Variants in DPYSL2 observed in about 807,000 individuals in gnomAD.
DPYSL2 encodes the protein dihydropyrimidinase like 2, also known as dihydropyrimidinase-related protein 2.
A neutral mutation model predicts 69.9 loss-of-function variants in DPYSL2; 13 were observed. That is an observed-to-expected ratio of 0.19 (90% CI 0.12 to 0.30). The LOEUF is 0.30. Ranked by LOEUF, DPYSL2 falls within the 10% of genes least tolerant of loss-of-function variation. The pLI is 1.00. For synonymous variants in DPYSL2, 326 were observed against 359.1 expected, an observed-to-expected ratio of 0.91 and a Z score of 1.04; for missense variants, 587 against 918.9, an observed-to-expected ratio of 0.64 and a Z score of 4.67.
At chr8:26,536,749 A>G (rs375298044) in intron 1 of DPYSL2, among the ~76,000 whole-genome samples, 31 of 152,350 alleles carry the variant, frequency 2.0e-4, no homozygotes, top group African/African-American at 6.7e-4. Context: ...GAAAGGGAAT[A>G]AATTGTGTTT....
In DPYSL2 at chr8:26,585,564, G is replaced by T. The variant is rs1258937789; in HGVS notation, c.628+1581G>T. On this transcript the variant is annotated intron_variant, in intron 3 of 13. Transcript: ENST00000521913. This position sits in a 1 kb window ranked among gnomAD's most constrained non-coding sequence, Gnocchi z 4.0. ...TGCCATTTTCCAGGGATGTCGGGGG[G>T]AGATTTCATGCACACCTAGGGAGAG... Among the ~76,000 whole-genome samples the T allele has an allele frequency of 1.3e-5, 2 of 152,092 alleles. No homozygotes were observed. Among genetic ancestry groups the T allele is most frequent in the African/African-American group, 2.4e-5 (1 of 41,368 alleles).
rs1052548507 is a variant in DPYSL2 at position 26,560,171 on chromosome 8, C to T, written c.355-21798C>T. ...AATCAGGAGCAGACGCGACCATTCC[C>T]GACGGCCTTGGCAGCTCACTCTGCC... On this transcript the variant is annotated intron_variant, in intron 1 of 13. Transcript: ENST00000521913. This position sits in a 1 kb window ranked among gnomAD's most constrained non-coding sequence, Gnocchi z 4.4. 6.6e-6 allele frequency among the ~76,000 whole-genome samples: 1 copy of T among 152,132 alleles called. No homozygotes were observed. The highest frequency in any genetic ancestry group is 1.5e-5 in the Non-Finnish European group (1 of 68,018).
Position 26,644,067 on chromosome 8 carries a change from G to A in DPYSL2, c.1401G>A (p.Met467Ile). Residue 467 changes from methionine to isoleucine, a missense_variant, in exon 10 of 14, where the codon ATG (methionine) becomes ATA (isoleucine). By Grantham distance (10) the Met-to-Ile change is conservative (BLOSUM62 1). Transcript: ENST00000521913. The surrounding 1 kb of genome is among the most constrained non-coding windows in gnomAD (Gnocchi z 4.5). ...GCACCAATGGCACTGAGGAGCGGATGTCCGTCATCTGGGACAAGGCTGTGG... is the reference window on the plus strand; with the variant it reads ...GCACCAATGGCACTGAGGAGCGGATATCCGTCATCTGGGACAAGGCTGTGG... ...PEGTNGTEER[M>I]SVIWDKAVVT... is the part of the protein sequence containing the mutation. 1.2e-6 allele frequency: 2 copies of A among 1,614,238 alleles called. No homozygotes were observed. The highest frequency in any genetic ancestry group is 1.7e-6 in the Non-Finnish European group (2 of 1,180,036).
chr8:26,514,058 G>A lies in DPYSL2; in HGVS notation c.-268G>A. On this transcript the variant is annotated 5_prime_UTR_variant, in exon 1 of 14. Coordinates refer to ENST00000521913, the MANE Select transcript of DPYSL2 (RefSeq NM_001197293.3). The surrounding 1 kb of genome is among the most constrained non-coding windows in gnomAD (Gnocchi z 8.4). ...TTCGGCTCCCGCAGCCGCAGCGGAC[G>A]CCCTCCCAGATCCAACTTTGCCGCT... 1 of 317,260 alleles carries A rather than the reference G, an allele frequency of 3.2e-6. No individual in the cohort carries two copies. Among genetic ancestry groups the A allele is most frequent in the Non-Finnish European group, 5.7e-6 (1 of 174,538 alleles). 19.7% of individuals were successfully genotyped at this position (317,260 alleles called of 1,614,324 possible).
chr8:26,655,782 C>CTT lies in DPYSL2; in HGVS notation c.*76_*77insTT. 1 of 1,183,206 alleles carries CTT rather than the reference C, an allele frequency of 8.5e-7. No individual in the cohort carries two copies. The highest frequency in any genetic ancestry group is 2.6e-5 in the Admixed American group (1 of 37,956). The allele number at this position is 1,183,206 out of a possible 1,614,324, so 73.3% of individuals were successfully genotyped here. A position where few individuals can be genotyped will look rare whatever the true frequency, so the allele number is the denominator to read the frequency against. On this transcript the variant is annotated 3_prime_UTR_variant, in exon 14 of 14. Transcript: ENST00000521913. The stretch of plus-strand genomic sequence containing the variant: ...ACATTCTGAGACTTCTTTCTTCCTT[C>CTT]CTTTTTTTTTTTTTGTTTTTTTTTT...
rs143070476 is a variant in DPYSL2, at chr8:26,575,405, C to T, written c.355-6564C>T. On this transcript the variant is annotated intron_variant, in intron 1 of 13. Transcript: ENST00000521913. ...AAGCAGGTGGAAGATTCTCCTCGGCCCTTTTTTACTTTTCCTCATTGCGCT... is the reference window on the plus strand; with the variant it reads ...AAGCAGGTGGAAGATTCTCCTCGGCTCTTTTTTACTTTTCCTCATTGCGCT... Among the ~76,000 whole-genome samples, 467 of 152,190 alleles carry T rather than the reference C, an allele frequency of 3.1e-3. 2 individuals are homozygous for T. Among genetic ancestry groups the T allele is most frequent in the African/African-American group, 0.01 (419 of 41,524 alleles).
At chr8:26,521,298 C>T (rs1808379826) in intron 1 of DPYSL2, among the ~76,000 whole-genome samples, 1 of 152,016 alleles carries the variant, frequency 6.6e-6, no homozygotes, top group South Asian at 2.1e-4. Context: ...TGAGGGCACT[C>T]TGCAGAAAGC....
At chr8:26,537,611 T>TACACACACAC (rs56080102) in intron 1 of DPYSL2, among the ~76,000 whole-genome samples, 28,261 of 147,550 alleles carry the variant, frequency 0.19, 3,002 homozygotes, top group Middle Eastern at 0.26. Flanking sequence ...ATTCTCTCTC[T>TACACACACAC]ACACACACAC....
chr8:26,535,937 T>TGTGTG (rs1585494592), intron 1 of DPYSL2, among the ~76,000 whole-genome samples: 1 of 145,092 alleles, frequency 6.9e-6, no homozygotes, highest in African/African-American at 2.5e-5. Context: ...TGTGTGTGTG[T>TGTGTG]TTGAGATGGG....
Position 26,640,426 on chromosome 8 carries a change from G to A in DPYSL2, c.1127-3013G>A, listed in dbSNP as rs1563422964. Among the ~76,000 whole-genome samples the A allele has an allele frequency of 2.0e-5, 3 of 152,312 alleles. No individual in the cohort carries two copies. In the East Asian group the frequency reaches 5.8e-4, roughly 29 times the overall value. On this transcript the variant is annotated intron_variant, in intron 8 of 13. Coordinates refer to ENST00000521913, the MANE Select transcript of DPYSL2 (RefSeq NM_001197293.3). This position sits in a 1 kb window ranked among gnomAD's most constrained non-coding sequence, Gnocchi z 4.2. ...AGAGAAGTGCAGAAGGGCCAATTAAGCCCATTTCGTGGTTTATTATTATTA... is the reference window on the plus strand; with the variant it reads ...AGAGAAGTGCAGAAGGGCCAATTAAACCCATTTCGTGGTTTATTATTATTA...
In DPYSL2 at chr8:26,652,585, AT is replaced by A. The variant is rs1288617821; in HGVS notation, c.1776+152del. On this transcript the variant is annotated intron_variant, in intron 12 of 13. Transcript: ENST00000521913. This position sits in a 1 kb window ranked among gnomAD's most constrained non-coding sequence, Gnocchi z 6.3. Reference sequence around the variant, plus strand: ...GGAGCCTGAATTTTTTATTCCTGGCATTTAAAATACTGGAGAAGGAGTCAGT... The same window carrying A: ...GGAGCCTGAATTTTTTATTCCTGGCATTAAAATACTGGAGAAGGAGTCAGT... 1.2e-6 allele frequency: 1 copy of A among 846,492 alleles called. No individual in the cohort carries two copies. Among genetic ancestry groups the A allele is most frequent in the African/African-American group, 1.7e-5 (1 of 57,982 alleles). The allele number at this position is 846,492 out of a possible 1,614,324, so 52.4% of individuals were successfully genotyped here. A position where few individuals can be genotyped will look rare whatever the true frequency, so the allele number is the denominator to read the frequency against.
At chr8:26,547,894 C>T (rs969338516) in intron 1 of DPYSL2, 7 of 272,648 alleles carry the variant, frequency 2.6e-5, no homozygotes, top group African/African-American at 1.1e-4. Flanking sequence ...CCTCTGAGTG[C>T]CACTGAAATC....
Position 26,551,602 on chromosome 8 carries a change from A to G in DPYSL2, c.355-30367A>G, listed in dbSNP as rs147181822. ...AATGGATCTAATTGAAATTTATATTATACATCACCCAGCAACAGTAGAATT... is the reference window on the plus strand; with the variant it reads ...AATGGATCTAATTGAAATTTATATTGTACATCACCCAGCAACAGTAGAATT... On this transcript the variant is annotated intron_variant, in intron 1 of 13. Transcript: ENST00000521913. 3.5e-3 allele frequency among the ~76,000 whole-genome samples: 540 copies of G among 152,276 alleles called. 2 individuals carry two copies. The highest frequency in any genetic ancestry group is 0.014 in the Middle Eastern group (4 of 294).
intron 3 of DPYSL2, among the ~76,000 whole-genome samples, chr8:26,618,264 C>T (rs375234365): frequency 3.3e-5 from 5 of 151,656 alleles, no homozygotes; most frequent in East Asian, 1.9e-4. Flanking sequence ...CTTTTACCTA[C>T]GCTTTATTAT....
At chr8:26,592,481 T>TG (rs959664342) in intron 3 of DPYSL2, among the ~76,000 whole-genome samples, 62 of 147,520 alleles carry the variant, frequency 4.2e-4, no homozygotes, top group Admixed American at 2.0e-3. Context: ...TTTTTGTTTT[T>TG]TTTTTTTTAT....
intron 1 of DPYSL2, among the ~76,000 whole-genome samples, chr8:26,559,478 C>T (rs2129657171): frequency 6.6e-6 from 1 of 152,294 alleles, no homozygotes; most frequent in Non-Finnish European, 1.5e-5. Flanking sequence ...TCAATCTTTT[C>T]AGCCTCCATC....
chr8:26,635,052 G>A, intron 8 of DPYSL2, 152 bp downstream of exon 8: 2 of 1,181,288 alleles, frequency 1.7e-6, no homozygotes. Flanking sequence ...GCCGGGCAAG[G>A]CAGGAGCTCC....
At chr8:26,568,150 A>G (rs1359512647) in intron 1 of DPYSL2, among the ~76,000 whole-genome samples, 2 of 152,168 alleles carry the variant, frequency 1.3e-5, no homozygotes, top group East Asian at 1.9e-4. Context: ...ATAGGAAGAT[A>G]GGAAGAATTC....
chr8:26,613,537 T>C (rs1373499388), intron 3 of DPYSL2, among the ~76,000 whole-genome samples: 1 of 152,206 alleles, frequency 6.6e-6, no homozygotes, highest in African/African-American at 2.4e-5. Flanking sequence ...CTGCATACCA[T>C]GGGGTTTTTC....
Sources: gnomAD v4.1 joint callset for allele counts (sites outside exome capture counted in the v4.1 genomes callset) on GRCh38, gnomAD v4.1.1 for gene constraint, Gnocchi (gnomAD v3.1) non-coding constraint, MANE v1.5 for transcripts, NCBI Gene and HGNC (gene_info 2026-07-23, HGNC 2026-07-21) for gene names.